Variants in MME observed in about 807,000 individuals in gnomAD.
MME encodes the protein membrane metalloendopeptidase.
In MME, 98 loss-of-function variants were observed where a neutral mutation model predicts 113.2. The observed-to-expected ratio is 0.87, with a 90% CI of 0.74 to 1.02. The LOEUF is 1.02. Ranked by LOEUF, MME falls within the 50% of genes least tolerant of loss-of-function variation. MME has a pLI of 0.00. For missense variants in MME, 836 were observed against 896.0 expected (o/e 0.93, Z 0.86); for synonymous variants, 292 against 300.6 (o/e 0.97, Z 0.30).
Position 155,116,759 on chromosome 3 carries a change from G to T in MME, c.535G>T (p.Gly179Cys). 1 of 1,612,230 alleles carries T rather than the reference G, an allele frequency of 6.2e-7. No homozygotes were observed. The highest frequency in any genetic ancestry group is 8.5e-7 in the Non-Finnish European group (1 of 1,178,742). Residue 179 changes from glycine (G) to cysteine (C), a missense_variant and splice_region_variant, in exon 6 of 23, where the codon GGT becomes TGT. Gly to Cys is a radical substitution (Grantham distance 159, BLOSUM62 -3). Coordinates refer to ENST00000360490, the MANE Select transcript of MME (RefSeq NM_007289.4). ...AACAGAAAACTGGGAGCAAAAATATGGTAAGGCAATTTTCCTACTAAAAAA... is the reference window on the plus strand; with the variant it reads ...AACAGAAAACTGGGAGCAAAAATATTGTAAGGCAATTTTCCTACTAAAAAA... ...VATENWEQKY[G>C]ASWTAEKAIA...
At chr3:155,103,503 A>C (rs1350629452) in intron 3 of MME, among the ~76,000 whole-genome samples, 2 of 152,156 alleles carry the variant, frequency 1.3e-5, no homozygotes, top group African/African-American at 4.8e-5. Flanking sequence ...TGTCTAATTC[A>C]CCTTGCTAAT....
At chr3:155,039,004 A>G (rs1053678610) in intron 1 of MME, among the ~76,000 whole-genome samples, 5 of 152,196 alleles carry the variant, frequency 3.3e-5, no homozygotes, top group African/African-American at 1.2e-4. Context: ...ACCTCATTGT[A>G]TGGCAACAAA....
At position 155,130,439 on chromosome 3, in the gene MME, A is replaced by T. The variant is rs199720507; in HGVS notation, c.721-7663A>T. On this transcript the variant is annotated intron_variant, in intron 8 of 22. Transcript: ENST00000360490. ...AACTGGAGAGTAGAAGCTACAGGGT[A>T]TACTGCTGCAGGGCATGGCTAGGGA... 3.3e-5 allele frequency among the ~76,000 whole-genome samples: 5 copies of T among 152,316 alleles called. No homozygotes were observed. In the East Asian group the frequency reaches 5.8e-4, roughly 18 times the overall value.
intron 2 of MME, 80 bp downstream of exon 2, chr3:155,084,407 C>T (rs777578004): frequency 2.2e-5 from 32 of 1,437,032 alleles, no homozygotes; most frequent in African/African-American, 7.0e-5. Flanking sequence ...ATCTATCCAA[C>T]GAATGTGTTA....
chr3:155,095,173 G>A (rs1482376572), intron 3 of MME, among the ~76,000 whole-genome samples: 1 of 152,224 alleles, frequency 6.6e-6, no homozygotes, highest in Non-Finnish European at 1.5e-5. Context: ...CTTCAGTGGA[G>A]TAGTTTCTGT....
At chr3:155,040,584 A>G (rs1713278543) in intron 1 of MME, among the ~76,000 whole-genome samples, 1 of 151,990 alleles carries the variant, frequency 6.6e-6, no homozygotes, top group African/African-American at 2.4e-5. Context: ...AAAGGGAGAT[A>G]GAGAAAGACT....
intron 1 of MME, among the ~76,000 whole-genome samples, chr3:155,028,868 A>C (rs894652018): frequency 2.1e-4 from 32 of 152,214 alleles, no homozygotes; most frequent in Non-Finnish European, 3.7e-4. Flanking sequence ...TTGGGCTACA[A>C]AGACTTAATT....
At position 155,173,399 on chromosome 3, in the gene MME, A is replaced by G. The variant is rs73012367; in HGVS notation, c.2153+787A>G. 2.6e-3 allele frequency among the ~76,000 whole-genome samples: 397 copies of G among 152,174 alleles called. 2 individuals carry two copies. The highest frequency in any genetic ancestry group is 9.1e-3 in the African/African-American group (380 of 41,542). On this transcript the variant is annotated intron_variant, in intron 22 of 22. Transcript: ENST00000360490. Reference sequence around the variant, plus strand: ...TGAAATTTGAGAACAAAAGAGAACTAATGGGCTAAATTTCAAAAGCTCTAC... The same window carrying G: ...TGAAATTTGAGAACAAAAGAGAACTGATGGGCTAAATTTCAAAAGCTCTAC...
At chr3:155,154,289 T>C (rs1722158135) in intron 16 of MME, among the ~76,000 whole-genome samples, 1 of 152,076 alleles carries the variant, frequency 6.6e-6, no homozygotes, top group African/African-American at 2.4e-5. Context: ...GTGGTGCATA[T>C]AGAAAGTTCC....
Position 155,168,595 on chromosome 3 carries a change from CTT to C in MME, c.1887_1888del (p.Ser630LeufsTer10), listed in dbSNP as rs1711573891. The C allele has an allele frequency of 1.2e-6, 2 of 1,613,716 alleles. No homozygotes were observed. Among genetic ancestry groups the C allele is most frequent in the African/African-American group, 1.3e-5 (1 of 74,904 alleles). On this transcript the variant is annotated frameshift_variant, in exon 19 of 23. Transcript: ENST00000360490. LOFTEE classifies it high-confidence loss of function. ...SQCMVYQYGN[F>X]SWDLAGGQHL... The stretch of plus-strand genomic sequence containing the variant: ...AGTGCATGGTGTATCAGTATGGAAA[CTT>C]TTCCTGGGACCTGGCAGGTGGACAG...
chr3:155,045,032 T>G (rs747763705), intron 1 of MME, among the ~76,000 whole-genome samples: 1 of 152,180 alleles, frequency 6.6e-6, no homozygotes, highest in Non-Finnish European at 1.5e-5. Context: ...CTGAGATACT[T>G]TAAATCGGGT....
chr3:155,155,962 T>G (rs998165933), intron 16 of MME, among the ~76,000 whole-genome samples: 1 of 152,234 alleles, frequency 6.6e-6, no homozygotes, highest in African/African-American at 2.4e-5. Flanking sequence ...AATTTTCCAT[T>G]ACCTTTTGTT....
intron 16 of MME, 101 bp from the exon 17 acceptor site, chr3:155,160,289 G>A: frequency 2.4e-6 from 2 of 840,564 alleles, no homozygotes; most frequent in Non-Finnish European, 4.1e-6. Context: ...CAAACAGAAA[G>A]TTAAGATTCA....
intron 9 of MME, 45 bp downstream of exon 9, chr3:155,138,281 C>CT (rs1006359145): frequency 2.5e-6 from 4 of 1,591,336 alleles, no homozygotes; most frequent in African/African-American, 1.3e-5. Flanking sequence ...ATGTCAACCG[C>CT]TTTTTTTCTT....
At chr3:155,074,893 T>C (rs554712154), upstream of MME, among the ~76,000 whole-genome samples, 120 of 152,300 alleles carry the variant, frequency 7.9e-4, no homozygotes, top group African/African-American at 2.9e-3. Flanking sequence ...ATAATCAATG[T>C]TTATAAATAT....
At chr3:155,094,057 T>G (rs1205482429) in intron 3 of MME, among the ~76,000 whole-genome samples, 2 of 152,176 alleles carry the variant, frequency 1.3e-5, no homozygotes, top group Admixed American at 6.5e-5. Flanking sequence ...AGGAAGAATG[T>G]AGGTTAATAA....
chr3:155,090,844 A>G (rs1716226339), intron 3 of MME, among the ~76,000 whole-genome samples: 1 of 152,230 alleles, frequency 6.6e-6, no homozygotes, highest in Non-Finnish European at 1.5e-5. Context: ...TGAAGCTTGC[A>G]AATGTCTGCA....
intron 20 of MME, among the ~76,000 whole-genome samples, chr3:155,170,264 C>A (rs1317460565): frequency 1.3e-5 from 2 of 152,116 alleles, no homozygotes; most frequent in African/African-American, 4.8e-5. Flanking sequence ...AGGCTGGTCT[C>A]AAACTCCTGA....
Position 155,180,582 on chromosome 3 carries a change from G to A in MME, c.*123G>A. The A allele has an allele frequency of 1.3e-6, 1 of 766,936 alleles. No individual in the cohort carries two copies. The highest frequency in any genetic ancestry group is 2.4e-6 in the Non-Finnish European group (1 of 421,724). 47.5% of individuals were successfully genotyped at this position (766,936 alleles called of 1,614,324 possible). The stretch of plus-strand genomic sequence containing the variant: ...TACTGACTTGAGGGTGATTAACAGA[G>A]AGGGCACCATCACAATACAGATAAC... On this transcript the variant is annotated 3_prime_UTR_variant, in exon 23 of 23. Coordinates refer to ENST00000360490, the MANE Select transcript of MME (RefSeq NM_007289.4).
Sources: gnomAD v4.1 joint callset for allele counts (sites outside exome capture counted in the v4.1 genomes callset) on GRCh38, gnomAD v4.1.1 for gene constraint, MANE v1.5 for transcripts, NCBI Gene and HGNC (gene_info 2026-07-23, HGNC 2026-07-21) for gene names.